The following RABGAP1L variants were observed in gnomAD, a reference collection of about 807,000 sequenced individuals.
RABGAP1L encodes rab GTPase-activating protein 1-like.
RABGAP1L carries 63 observed loss-of-function variants against 137.7 expected under a neutral mutation model. That is an observed-to-expected ratio of 0.46 (90% CI 0.37 to 0.56). The LOEUF (loss-of-function observed/expected upper bound fraction) is 0.56. Ranked by LOEUF, RABGAP1L falls within the 20% of genes least tolerant of loss-of-function variation. The probability of loss-of-function intolerance (pLI) is 0.00; values close to 1 mark genes in which losing one functional copy is unlikely to be tolerated. For synonymous variants in RABGAP1L, 431 were observed against 433.7 expected (o/e 0.99, Z 0.08); for missense variants, 1,095 against 1,244.0 (o/e 0.88, Z 1.80).
At chr1:174,858,223 C>G (rs1649641872) in intron 19 of RABGAP1L, among the ~76,000 whole-genome samples, 1 of 152,020 alleles carries the variant, frequency 6.6e-6, no homozygotes, top group Non-Finnish European at 1.5e-5. Context: ...CACTACGTTA[C>G]TTATACTGGT....
At chr1:174,818,170 G>T (rs938317788) in intron 19 of RABGAP1L, among the ~76,000 whole-genome samples, 2 of 152,206 alleles carry the variant, frequency 1.3e-5, no homozygotes, top group Non-Finnish European at 2.9e-5. Context: ...AATTCTTATA[G>T]CGGAGTATAT....
intron 18 of RABGAP1L, among the ~76,000 whole-genome samples, chr1:174,754,201 A>G (rs1684545876): frequency 6.6e-6 from 1 of 152,182 alleles, no homozygotes; most frequent in Non-Finnish European, 1.5e-5. Flanking sequence ...TACTAGTTAG[A>G]GAAGATAAAA....
At chr1:174,549,640 A>G (rs1666279437) in intron 13 of RABGAP1L, among the ~76,000 whole-genome samples, 1 of 152,218 alleles carries the variant, frequency 6.6e-6, no homozygotes, top group African/African-American at 2.4e-5. Context: ...AAAACTATTG[A>G]AAAGCCAAGC....
At chr1:174,184,048 T>TA (rs1666602480) in intron 1 of RABGAP1L, among the ~76,000 whole-genome samples, 1 of 151,732 alleles carries the variant, frequency 6.6e-6, no homozygotes, top group Admixed American at 6.6e-5. Flanking sequence ...TGTTTTTTTT[T>TA]AGTAGAGACG....
chr1:174,626,861 G>A (rs1672974017), intron 13 of RABGAP1L, among the ~76,000 whole-genome samples: 2 of 152,142 alleles, frequency 1.3e-5, no homozygotes, highest in South Asian at 4.1e-4. Flanking sequence ...TCTGCTTTCA[G>A]GAACATGTTA....
intron 13 of RABGAP1L, among the ~76,000 whole-genome samples, chr1:174,564,216 T>G (rs982904700): frequency 2.0e-5 from 3 of 152,224 alleles, no homozygotes; most frequent in Admixed American, 6.5e-5. Flanking sequence ...TTTTTCTTTT[T>G]GGAAAACCAC....
intron 13 of RABGAP1L, among the ~76,000 whole-genome samples, chr1:174,458,453 C>T (rs750670733): frequency 1.7e-4 from 26 of 151,930 alleles, no homozygotes; most frequent in Non-Finnish European, 3.5e-4. Context: ...TAAAGGATCT[C>T]ATACGAAGGA....
At chr1:174,215,674 A>C (rs1044434689) in intron 1 of RABGAP1L, among the ~76,000 whole-genome samples, 1 of 152,144 alleles carries the variant, frequency 6.6e-6, no homozygotes. Context: ...AGCATTAACA[A>C]ATGCTAGTGA....
At chr1:174,939,718 A>T (rs1665529482) in intron 19 of RABGAP1L, among the ~76,000 whole-genome samples, 1 of 152,182 alleles carries the variant, frequency 6.6e-6, no homozygotes, top group South Asian at 2.1e-4. Flanking sequence ...AAAACTTCCA[A>T]ATTTAATTGG....
intron 14 of RABGAP1L, among the ~76,000 whole-genome samples, chr1:174,673,585 C>G (rs1006416681): frequency 1.3e-5 from 2 of 152,058 alleles, no homozygotes; most frequent in Admixed American, 6.6e-5. Context: ...TTACATATTT[C>G]TCTTCTTAAT....
At chr1:174,692,848 G>A (rs1217041729) in intron 15 of RABGAP1L, among the ~76,000 whole-genome samples, 1 of 152,014 alleles carries the variant, frequency 6.6e-6, no homozygotes, top group Non-Finnish European at 1.5e-5. Context: ...AATACTTGTA[G>A]CATCCCTATG....
intron 19 of RABGAP1L, among the ~76,000 whole-genome samples, chr1:174,911,026 A>G (rs1659965591): frequency 6.6e-6 from 1 of 152,082 alleles, no homozygotes; most frequent in Non-Finnish European, 1.5e-5. Flanking sequence ...TGTGATTCTG[A>G]TTGCATTTCC....
intron 18 of RABGAP1L, among the ~76,000 whole-genome samples, chr1:174,809,165 C>G (rs1689623071): frequency 6.6e-6 from 1 of 152,124 alleles, no homozygotes; most frequent in Non-Finnish European, 1.5e-5. Flanking sequence ...CTTGAGCCTC[C>G]CTGCCCCATG....
intron 5 of RABGAP1L, among the ~76,000 whole-genome samples, chr1:174,243,771 G>A (rs1264573200): frequency 6.6e-6 from 1 of 152,168 alleles, no homozygotes; most frequent in Non-Finnish European, 1.5e-5. Context: ...AAGTGTTGTG[G>A]TTTGGATGAT....
At chr1:174,708,945 C>A (rs576326667) in intron 17 of RABGAP1L, among the ~76,000 whole-genome samples, 28 of 152,296 alleles carry the variant, frequency 1.8e-4, no homozygotes, top group Admixed American at 1.6e-3. Context: ...ACTGCCAGCA[C>A]AGCATTCTGA....
chr1:174,368,742 A>C (rs1025298911), intron 11 of RABGAP1L, among the ~76,000 whole-genome samples: 15 of 152,274 alleles, frequency 9.9e-5, no homozygotes, highest in African/African-American at 3.1e-4. Context: ...TACATACTCT[A>C]TACCGTCATA....
In RABGAP1L at chr1:174,994,147, C is replaced by T. The variant is rs1238099870; in HGVS notation, c.*4146C>T. 6.6e-6 allele frequency: 1 copy of T among 152,218 alleles called. No homozygotes were observed. The highest frequency in any genetic ancestry group is 1.5e-5 in the Non-Finnish European group (1 of 68,040). 9.4% of individuals were successfully genotyped at this position (152,218 alleles called of 1,614,324 possible). A position where few individuals can be genotyped will look rare whatever the true frequency, so the allele number is the denominator to read the frequency against. On this transcript the variant is annotated 3_prime_UTR_variant, in exon 26 of 26. Coordinates refer to ENST00000681986, the MANE Select transcript of RABGAP1L (RefSeq NM_001366446.1). ...ACACATTCTTCCTCTCTCATAATGG[C>T]TTCCATTTAATACAGGCAAAGCCCT...
intron 13 of RABGAP1L, among the ~76,000 whole-genome samples, chr1:174,584,012 A>C (rs770480430): frequency 1.3e-5 from 2 of 152,118 alleles, no homozygotes; most frequent in Non-Finnish European, 2.9e-5. Context: ...TCACTTCCAT[A>C]AGCTTTCTGA....
At chr1:174,369,159 C>T (rs1364976763) in intron 11 of RABGAP1L, among the ~76,000 whole-genome samples, 2 of 152,020 alleles carry the variant, frequency 1.3e-5, no homozygotes, top group African/African-American at 2.4e-5. Flanking sequence ...TCCTTGTTTG[C>T]GTGACATAGT....
Sources: allele counts gnomAD v4.1 joint callset (sites outside exome capture counted in the v4.1 genomes callset), GRCh38; gene constraint gnomAD v4.1.1; transcripts MANE v1.5; gene names NCBI Gene and HGNC (gene_info 2026-07-23, HGNC 2026-07-21).